FAM8A1: variants seen among roughly 807,000 people sequenced by gnomAD.
The protein encoded by FAM8A1 is family with sequence similarity 8 member A1.
In FAM8A1, 18 loss-of-function variants were observed where a neutral mutation model predicts 38.3. The ratio of observed to expected loss-of-function variants is 0.47; its 90% confidence interval spans 0.33 to 0.70. The LOEUF (loss-of-function observed/expected upper bound fraction) is 0.70, where lower values mean the gene tolerates loss of function less well. Among genes scored for constraint, FAM8A1 ranks in the 30% least tolerant of loss-of-function variants. The pLI is 0.03. For synonymous variants in FAM8A1, 246 were observed against 234.4 expected, an observed-to-expected ratio of 1.05 and a Z score of -0.45; for missense variants, 559 against 559.6, an observed-to-expected ratio of 1.00 and a Z score of 0.01.
At position 17,610,169 on chromosome 6, in the gene FAM8A1, CTT is replaced by C. The variant is rs1764119612; in HGVS notation, c.*1833_*1834del. ...TACACTAGCATTAGTTTATACACCACTTTTGCCGCTGGGGAATTCAAGTTGAA... is the reference window on the plus strand; with the variant it reads ...TACACTAGCATTAGTTTATACACCACTTGCCGCTGGGGAATTCAAGTTGAA... On this transcript the variant is annotated 3_prime_UTR_variant, in exon 5 of 5. Coordinates refer to ENST00000259963, the MANE Select transcript of FAM8A1 (RefSeq NM_016255.3). 1 of 152,058 alleles carries C rather than the reference CTT, an allele frequency of 6.6e-6. No homozygotes were observed. 9.4% of individuals were successfully genotyped at this position (152,058 alleles called of 1,614,324 possible).
intron 4 of FAM8A1, among the ~76,000 whole-genome samples, chr6:17,607,272 A>C (rs968752024): frequency 2.7e-5 from 4 of 147,450 alleles, no homozygotes; most frequent in South Asian, 2.1e-4. Context: ...AAAAAAAAAA[A>C]ACAAAACAAA....
Position 17,601,008 on chromosome 6 carries a change from C to G in FAM8A1, c.599C>G (p.Ala200Gly). The change falls in exon 1 of 5, where the codon GCG (alanine) becomes GGG (glycine). Residue 200 changes from alanine to glycine, a missense_variant. Physicochemically the swap from Ala to Gly is moderately conservative, Grantham distance 60. Around this residue, in one of 2 missense-constraint regions of FAM8A1, gnomAD observed 393 missense variants for 338.9 expected, o/e 1.16. Transcript: ENST00000259963. ...GGCATCAGCACCCCTGCTCCAGTCG[C>G]GGGCCTGGGACCCCGGGCTCCTCAC... is the stretch of plus-strand genomic sequence containing the variant. ...AAGISTPAPV[A>G]GLGPRAPHVQ... 13 of 1,587,550 alleles carry G rather than the reference C, an allele frequency of 8.2e-6. No homozygotes were observed. The highest frequency in any genetic ancestry group is 1.1e-5 in the Non-Finnish European group (13 of 1,169,236).
Position 17,600,702 on chromosome 6 carries a change from C to A in FAM8A1, c.293C>A (p.Ala98Asp), listed in dbSNP as rs757391977. ...QEQAGCEAPE[A>D]AAPRERPARL... is the part of the protein sequence containing the mutation. ...CAGGCGGGCTGCGAGGCGCCCGAAG[C>A]CGCGGCGCCACGAGAGAGACCAGCT... Residue 98 changes from alanine to aspartate, a missense_variant, in exon 1 of 5, where the codon GCC becomes GAC. Coordinates refer to ENST00000259963, the MANE Select transcript of FAM8A1 (RefSeq NM_016255.3). The A allele has an allele frequency of 1.9e-6, 3 of 1,572,642 alleles. No homozygotes were observed.
In FAM8A1 at chr6:17,600,358, G is replaced by A. The variant is rs1028857252; in HGVS notation, c.-52G>A. 7.5e-7 allele frequency: 1 copy of A among 1,337,008 alleles called. No individual in the cohort carries two copies. The highest frequency in any genetic ancestry group is 9.6e-7 in the Non-Finnish European group (1 of 1,042,232). The allele number at this position is 1,337,008 out of a possible 1,614,324, so 82.8% of individuals were successfully genotyped here. ...GGGCTGTTGGGGAGGGGCCATTGGG[G>A]GAGGGAAACGGAGCAGTGACAGGTA... On this transcript the variant is annotated 5_prime_UTR_variant, in exon 1 of 5. Transcript: ENST00000259963.
Position 17,601,105 on chromosome 6 carries a change from G to C in FAM8A1, c.696G>C (p.Glu232Asp). 2 of 1,594,404 alleles carry C rather than the reference G, an allele frequency of 1.3e-6. No individual in the cohort carries two copies. Among genetic ancestry groups the C allele is most frequent in the Non-Finnish European group, 1.7e-6 (2 of 1,173,164 alleles). Reference protein sequence around the residue: ...GSAAPSRSPSETGRQAGREYV... With the variant: ...GSAAPSRSPSDTGRQAGREYV... Reference sequence around the variant, plus strand: ...CAGCCCCTTCGCGAAGCCCGAGCGAGACCGGGCGACAGGCAGGTGAGAAGC... The same window carrying C: ...CAGCCCCTTCGCGAAGCCCGAGCGACACCGGGCGACAGGCAGGTGAGAAGC... Residue 232 changes from glutamate to aspartate, a missense_variant, in exon 1 of 5, where the codon GAG becomes GAC. Physicochemically the swap from Glu to Asp is conservative, Grantham distance 45. Coordinates refer to ENST00000259963, the MANE Select transcript of FAM8A1 (RefSeq NM_016255.3).
At position 17,602,741 on chromosome 6, in the gene FAM8A1, A is replaced by G. The variant is rs746292699; in HGVS notation, c.833+31A>G. 2.5e-6 allele frequency: 4 copies of G among 1,597,244 alleles called. No individual in the cohort carries two copies. In the Admixed American group the frequency reaches 7.2e-5, roughly 29 times the overall value. ...TTGAGGACATTTGCAGAAGGGTTTT[A>G]ATTTCTACTGTTTAATGATCTTGTT... On this transcript the variant is annotated intron_variant, in intron 2 of 4. Coordinates refer to ENST00000259963, the MANE Select transcript of FAM8A1 (RefSeq NM_016255.3).
intron 1 of FAM8A1, 37 bp downstream of exon 1, chr6:17,601,158 G>T (rs1763980801): frequency 6.4e-7 from 1 of 1,552,054 alleles, no homozygotes; most frequent in African/African-American, 1.3e-5. Context: ...CGGAGTAGAA[G>T]GGTTTTCGGG....
Position 17,600,406 on chromosome 6 carries a change from G to A in FAM8A1, c.-4G>A, listed in dbSNP as rs532439514. The A allele has an allele frequency of 2.1e-6, 3 of 1,413,252 alleles. No homozygotes were observed. The South Asian group carries it at 4.5e-5, about 21-fold the overall frequency. The allele number at this position is 1,413,252 out of a possible 1,614,324, so 87.5% of individuals were successfully genotyped here. A position where few individuals can be genotyped will look rare whatever the true frequency, so the allele number is the denominator to read the frequency against. ...GTATCCCAGAGGGTGCTGCTGAGGC[G>A]ACGATGGCCGAGGGGCCCGAGGAAG... On this transcript the variant is annotated 5_prime_UTR_variant, in exon 1 of 5. Transcript: ENST00000259963.
chr6:17,602,401 T>G (rs979211564), intron 1 of FAM8A1, among the ~76,000 whole-genome samples, 189 bp from the exon 2 acceptor site: 15 of 152,220 alleles, frequency 9.9e-5, no homozygotes, highest in African/African-American at 3.1e-4. Context: ...AAATAGTGGA[T>G]TCTCTGTTAC....
chr6:17,601,150 G>T (rs1177739770), intron 1 of FAM8A1, 29 bp downstream of exon 1: 3 of 1,562,490 alleles, frequency 1.9e-6, no homozygotes, highest in Non-Finnish European at 2.6e-6. Flanking sequence ...AGGCTGGGCG[G>T]AGTAGAAGGG....
chr6:17,606,598 G>A (rs1427064802), intron 4 of FAM8A1, among the ~76,000 whole-genome samples: 2 of 152,108 alleles, frequency 1.3e-5, no homozygotes, highest in Admixed American at 6.6e-5. Flanking sequence ...ATTATTCTTT[G>A]GACCTGTGGA....
At chr6:17,601,537 C>A (rs1302221289) in intron 1 of FAM8A1, among the ~76,000 whole-genome samples, 7 of 152,050 alleles carry the variant, frequency 4.6e-5, no homozygotes, top group Non-Finnish European at 8.8e-5. Flanking sequence ...TGGAACTGAA[C>A]GGATATAAAA....
Position 17,605,888 on chromosome 6 carries a change from G to T in FAM8A1, c.972G>T (p.Trp324Cys). The T allele has an allele frequency of 6.6e-7, 1 of 1,525,306 alleles. No individual in the cohort carries two copies. Among genetic ancestry groups the T allele is most frequent in the Non-Finnish European group, 8.9e-7 (1 of 1,126,354 alleles). 94.5% of individuals were successfully genotyped at this position (1,525,306 alleles called of 1,614,324 possible). A position where few individuals can be genotyped will look rare whatever the true frequency, so the allele number is the denominator to read the frequency against. Residue 324 changes from tryptophan (W) to cysteine (C), a missense_variant, in exon 4 of 5, where the codon TGG becomes TGT. Coordinates refer to ENST00000259963, the MANE Select transcript of FAM8A1 (RefSeq NM_016255.3). Reference protein sequence around the residue: ...LVCFYEIICIWGAGGATPGKF... With the variant: ...LVCFYEIICICGAGGATPGKF... ...TCTTTCCTTAGATAATTTGCATTTGGGGAGCAGGTGGAGCTACCCCAGGGA... is the reference window on the plus strand; with the variant it reads ...TCTTTCCTTAGATAATTTGCATTTGTGGAGCAGGTGGAGCTACCCCAGGGA...
At chr6:17,601,252 C>T (rs1763982417) in intron 1 of FAM8A1, 131 bp downstream of exon 1, 1 of 1,243,960 alleles carries the variant, frequency 8.0e-7, no homozygotes. Flanking sequence ...GTTCAGTTCA[C>T]TAGCTATCGT....
Position 17,601,068 on chromosome 6 carries a change from G to C in FAM8A1, c.659G>C (p.Arg220Thr), listed in dbSNP as rs200948256. 4 of 1,598,992 alleles carry C rather than the reference G, an allele frequency of 2.5e-6. No homozygotes were observed. The Admixed American group carries it at 6.9e-5, about 28-fold the overall frequency. Residue 220 changes from arginine to threonine, a missense_variant, in exon 1 of 5, where the codon AGG becomes ACG. Transcript: ENST00000259963. ...TCGGTCCGGGCCACTCCAGTGACGA[G>C]GGTAGGATCCGCAGCCCCTTCGCGA... ...QASVRATPVT[R>T]VGSAAPSRSP... is the part of the protein sequence containing the mutation.
intron 1 of FAM8A1, among the ~76,000 whole-genome samples, chr6:17,601,561 G>A (rs887834614): frequency 9.9e-5 from 15 of 152,184 alleles, no homozygotes; most frequent in African/African-American, 2.7e-4. Context: ...GATCGACATG[G>A]ATACAAGTGG....
rs768586311 is a variant in FAM8A1 at position 17,600,901 on chromosome 6, G to C, written c.492G>C (p.Pro164=). ...CTGCAGTCCCCCAGGCCGCGGCGCC[G>C]CCGCCCCCGCAGCTGGGCTATTACA... The part of the protein sequence containing the change: ...GGAAVPQAAA[P]PPPQLGYYNP... The change falls in exon 1 of 5, where the codon CCG becomes CCC. Residue 164 remains proline, a synonymous_variant. Transcript: ENST00000259963. 2 of 1,584,138 alleles carry C rather than the reference G, an allele frequency of 1.3e-6. No homozygotes were observed. Among genetic ancestry groups the C allele is most frequent in the Non-Finnish European group, 1.7e-6 (2 of 1,169,500 alleles).
At position 17,606,457 on chromosome 6, in the gene FAM8A1, C is replaced by T. The variant is rs1053504965; in HGVS notation, c.1097+444C>T. 2.1e-4 allele frequency among the ~76,000 whole-genome samples: 32 copies of T among 152,152 alleles called. 1 individual carries two copies. Among genetic ancestry groups the T allele is most frequent in the Non-Finnish European group, 2.9e-5 (2 of 68,036 alleles). On this transcript the variant is annotated intron_variant, in intron 4 of 4. Coordinates refer to ENST00000259963, the MANE Select transcript of FAM8A1 (RefSeq NM_016255.3). ...CCTCATGATCCACCCGCCTCCGCCT[C>T]TCAAAGTGTTGGGATTACAGACGTG...
At position 17,608,621 on chromosome 6, in the gene FAM8A1, A is replaced by C; in HGVS notation, c.*282A>C. ...TCTTAAGATCTAAGGTACTTTCTTA[A>C]GATCTAAGAATTTGCTGAAAGCATT... On this transcript the variant is annotated 3_prime_UTR_variant, in exon 5 of 5. Coordinates refer to ENST00000259963, the MANE Select transcript of FAM8A1 (RefSeq NM_016255.3). 1 of 249,012 alleles carries C rather than the reference A, an allele frequency of 4.0e-6. No homozygotes were observed. The highest frequency in any genetic ancestry group is 1.2e-3 in the Middle Eastern group (1 of 806). 15.4% of individuals were successfully genotyped at this position (249,012 alleles called of 1,614,324 possible). A position where few individuals can be genotyped will look rare whatever the true frequency, so the allele number is the denominator to read the frequency against.
Sources: gnomAD v4.1 joint callset for allele counts (sites outside exome capture counted in the v4.1 genomes callset) on GRCh38, gnomAD v4.1.1 for gene constraint, gnomAD v4.1.1 regional missense constraint, MANE v1.5 for transcripts, NCBI Gene and HGNC (gene_info 2026-07-23, HGNC 2026-07-21) for gene names.